GAS2: variants seen among roughly 807,000 people sequenced by gnomAD.
GAS2 encodes the protein growth arrest-specific protein 2.
GAS2 carries 20 observed loss-of-function variants against 37.5 expected under a neutral mutation model. The observed-to-expected ratio is 0.53, with a 90% CI of 0.37 to 0.77. The LOEUF (loss-of-function observed/expected upper bound fraction) is 0.77, where lower values mean the gene tolerates loss of function less well. Ranked by LOEUF, GAS2 falls within the 30% of genes least tolerant of loss-of-function variation. GAS2 has a pLI of 0.00. For synonymous variants in GAS2, 144 were observed against 132.2 expected (o/e 1.09, Z -0.61); for missense variants, 336 against 373.4 (o/e 0.90, Z 0.82).
chr11:22,748,461 C>T (rs1853536656), intron 5 of GAS2, among the ~76,000 whole-genome samples: 1 of 151,974 alleles, frequency 6.6e-6, no homozygotes, highest in Non-Finnish European at 1.5e-5. Flanking sequence ...ACTTTTCTGG[C>T]ATTTATAATT....
At chr11:22,761,635 T>C (rs549579293) in intron 7 of GAS2, among the ~76,000 whole-genome samples, 1 of 152,298 alleles carries the variant, frequency 6.6e-6, no homozygotes, top group African/African-American at 2.4e-5. Context: ...GGTTAAGAGT[T>C]GAAACAGGTT....
At chr11:22,753,886 T>C (rs1462824167) in intron 6 of GAS2, among the ~76,000 whole-genome samples, 1 of 152,158 alleles carries the variant, frequency 6.6e-6, no homozygotes, top group Non-Finnish European at 1.5e-5. Flanking sequence ...TCATTGGTCC[T>C]GTGACCCTAC....
At chr11:22,695,769 T>G (rs147463491) in intron 3 of GAS2, among the ~76,000 whole-genome samples, 1 of 152,136 alleles carries the variant, frequency 6.6e-6, no homozygotes, top group Non-Finnish European at 1.5e-5. Flanking sequence ...TCAAACAAAT[T>G]TGAAATAAAG....
chr11:22,780,347 C>A (rs1855493344), intron 7 of GAS2, among the ~76,000 whole-genome samples: 1 of 151,778 alleles, frequency 6.6e-6, no homozygotes, highest in Admixed American at 6.6e-5. Flanking sequence ...ATACAAAAAT[C>A]AGCCAGACGT....
At chr11:22,695,183 T>C (rs1328611370) in intron 3 of GAS2, among the ~76,000 whole-genome samples, 2 of 151,982 alleles carry the variant, frequency 1.3e-5, no homozygotes, top group Non-Finnish European at 2.9e-5. Flanking sequence ...TAGCTGGGTG[T>C]GGTGGCATGC....
intron 4 of GAS2, among the ~76,000 whole-genome samples, chr11:22,736,653 A>C (rs1852770675): frequency 6.6e-6 from 1 of 152,108 alleles, no homozygotes; most frequent in African/African-American, 2.4e-5. Flanking sequence ...TAGAATATTT[A>C]AGTGAATAGA....
At chr11:22,782,188 C>T (rs529598452) in intron 7 of GAS2, among the ~76,000 whole-genome samples, 1 of 152,072 alleles carries the variant, frequency 6.6e-6, no homozygotes, top group Admixed American at 6.6e-5. Flanking sequence ...GGAATGAATT[C>T]CCTCATCTAT....
At chr11:22,712,090 C>T (rs895431389) in intron 3 of GAS2, among the ~76,000 whole-genome samples, 3 of 152,168 alleles carry the variant, frequency 2.0e-5, no homozygotes, top group African/African-American at 7.2e-5. Flanking sequence ...TGGAGGCCAA[C>T]CAACTCAAGT....
intron 3 of GAS2, among the ~76,000 whole-genome samples, chr11:22,700,930 A>C (rs938057673): frequency 6.6e-5 from 10 of 152,180 alleles, no homozygotes; most frequent in Admixed American, 5.9e-4. Flanking sequence ...TAAAGATGAA[A>C]TCATTTTTTT....
rs184722111 is a variant in GAS2, at chr11:22,731,674, C to T, written c.409+5241C>T. On this transcript the variant is annotated intron_variant, in intron 4 of 7. Transcript: ENST00000454584. ...CATTTCTTAAAGTCACGTGTTGCAT[C>T]AGAAAAAGAATCTATGCCTGCCTTT... 6.6e-5 allele frequency among the ~76,000 whole-genome samples: 10 copies of T among 151,762 alleles called. No individual in the cohort carries two copies. The East Asian group carries it at 1.9e-3, about 29-fold the overall frequency.
intron 7 of GAS2, among the ~76,000 whole-genome samples, chr11:22,768,829 G>T (rs1362171752): frequency 1.3e-5 from 2 of 152,112 alleles, no homozygotes; most frequent in African/African-American, 4.8e-5. Flanking sequence ...TCATTTAAAG[G>T]CAGATAAAAG....
intron 5 of GAS2, among the ~76,000 whole-genome samples, chr11:22,745,131 AAAG>A (rs1554978172): frequency 2.0e-5 from 3 of 150,540 alleles, no homozygotes; most frequent in Admixed American, 2.0e-4. Flanking sequence ...AAAAAAAAAA[AAAG>A]AAAGAAAAAA....
At chr11:22,743,864 C>A (rs773885450) in intron 5 of GAS2, among the ~76,000 whole-genome samples, 14 of 151,844 alleles carry the variant, frequency 9.2e-5, no homozygotes, top group Non-Finnish European at 2.1e-4. Context: ...AAAGTTGGTT[C>A]TTTGAAAGGA....
intron 2 of GAS2, among the ~76,000 whole-genome samples, chr11:22,682,629 C>A (rs1849734082): frequency 6.6e-6 from 1 of 151,682 alleles, no homozygotes; most frequent in African/African-American, 2.4e-5. Flanking sequence ...CCTGTAATCC[C>A]AGCACTTTGG....
chr11:22,698,753 A>C (rs2134010875), intron 3 of GAS2, among the ~76,000 whole-genome samples: 1 of 152,308 alleles, frequency 6.6e-6, no homozygotes, highest in Non-Finnish European at 1.5e-5. Flanking sequence ...ATATAAACAG[A>C]ACCAAAGATA....
In GAS2 at chr11:22,768,045, T is replaced by A. The variant is rs577425722; in HGVS notation, c.723+12092T>A. Among the ~76,000 whole-genome samples, 156 of 152,310 alleles carry A rather than the reference T, an allele frequency of 1.0e-3. 1 individual carries two copies. The highest frequency in any genetic ancestry group is 3.0e-3 in the African/African-American group (126 of 41,566). On this transcript the variant is annotated intron_variant, in intron 7 of 7. Coordinates refer to ENST00000454584, the MANE Select transcript of GAS2 (RefSeq NM_001143830.3). ...ATTGCAAGAGGTTTACTGATTCACA[T>A]CAACTTTTAGTTCACTGAAATGGTG...
intron 7 of GAS2, among the ~76,000 whole-genome samples, chr11:22,756,572 C>T (rs753890890): frequency 6.6e-6 from 1 of 151,836 alleles, no homozygotes; most frequent in Non-Finnish European, 1.5e-5. Flanking sequence ...GAAATTTTGC[C>T]CTTGTAAAGT....
chr11:22,665,664 A>C (rs939201734), upstream of GAS2, among the ~76,000 whole-genome samples: 2 of 152,240 alleles, frequency 1.3e-5, no homozygotes, highest in Admixed American at 1.3e-4. Context: ...CAAACTTTTC[A>C]ATCGGTTTTC....
intron 1 of GAS2, among the ~76,000 whole-genome samples, chr11:22,654,778 T>C (rs758533216): frequency 2.0e-5 from 3 of 152,190 alleles, no homozygotes; most frequent in Non-Finnish European, 2.9e-5. Context: ...AAGTTACTTA[T>C]TATTTATCTG....
Sources: gnomAD v4.1 joint callset for allele counts (sites outside exome capture counted in the v4.1 genomes callset) on GRCh38, gnomAD v4.1.1 for gene constraint, MANE v1.5 for transcripts, NCBI Gene and HGNC (gene_info 2026-07-23, HGNC 2026-07-21) for gene names.